PDE10A: variants seen among roughly 807,000 people sequenced by gnomAD.
PDE10A encodes phosphodiesterase 10A, also known as cAMP and cAMP-inhibited cGMP 3',5'-cyclic phosphodiesterase 10A.
PDE10A carries 39 observed loss-of-function variants against 97.7 expected under a neutral mutation model. That is an observed-to-expected ratio of 0.40 (90% confidence interval 0.31 to 0.52). PDE10A has a LOEUF of 0.52. Ranked by LOEUF, PDE10A falls within the 20% of genes least tolerant of loss-of-function variation. The pLI, the probability that PDE10A is intolerant of heterozygous loss-of-function variation, is 0.56. For synonymous variants in PDE10A, 371 were observed against 376.8 expected, an observed-to-expected ratio of 0.98 and a Z score of 0.18; for missense variants, 731 against 1,047.8, an observed-to-expected ratio of 0.70 and a Z score of 4.17.
At chr6:165,691,313 T>C (rs1415601201) in intron 1 of PDE10A, among the ~76,000 whole-genome samples, 1 of 150,020 alleles carries the variant, frequency 6.7e-6, no homozygotes, top group Non-Finnish European at 1.5e-5. Flanking sequence ...CATAAGTTTA[T>C]GATACCATAT....
At chr6:165,860,459 AAAAAC>A (rs1780871464) in intron 1 of PDE10A, among the ~76,000 whole-genome samples, 1 of 152,174 alleles carries the variant, frequency 6.6e-6, no homozygotes, top group African/African-American at 2.4e-5. Context: ...CCTCAAAACA[AAAAAC>A]AAAACAAAAC....
At chr6:165,726,784 G>A (rs1792308258) in intron 1 of PDE10A, among the ~76,000 whole-genome samples, 1 of 151,004 alleles carries the variant, frequency 6.6e-6, no homozygotes, top group Non-Finnish European at 1.5e-5. Context: ...CTCCCTCGCG[G>A]GATCGAACCC....
At chr6:165,590,002 GT>G (rs1208795731) in intron 1 of PDE10A, among the ~76,000 whole-genome samples, 1 of 152,188 alleles carries the variant, frequency 6.6e-6, no homozygotes, top group Non-Finnish European at 1.5e-5. Context: ...TATTATTTCA[GT>G]TTTTATCACA....
intron 1 of PDE10A, among the ~76,000 whole-genome samples, chr6:165,975,403 G>A (rs964490463): frequency 6.6e-5 from 10 of 152,252 alleles, no homozygotes; most frequent in African/African-American, 1.9e-4. Context: ...TCAAGAGTTC[G>A]AGACCAGCCT....
intron 1 of PDE10A, among the ~76,000 whole-genome samples, chr6:165,729,903 A>C (rs1209983890): frequency 3.9e-5 from 6 of 152,210 alleles, no homozygotes; most frequent in Non-Finnish European, 7.3e-5. Context: ...TGATTGAAAA[A>C]TTATCTATGC....
chr6:165,409,046 T>C (rs1787478276), intron 13 of PDE10A, among the ~76,000 whole-genome samples: 1 of 146,806 alleles, frequency 6.8e-6, no homozygotes, highest in Non-Finnish European at 1.5e-5. Context: ...GTGCCTGTAG[T>C]CCCAGCTACT....
intron 16 of PDE10A, among the ~76,000 whole-genome samples, chr6:165,390,389 G>A (rs1416827577): frequency 1.3e-5 from 2 of 152,306 alleles, no homozygotes; most frequent in Middle Eastern, 3.4e-3. Flanking sequence ...GATTTTGAAA[G>A]AGTCAATAGG....
intron 1 of PDE10A, among the ~76,000 whole-genome samples, chr6:165,964,650 A>T (rs1229629666): frequency 6.6e-6 from 1 of 152,234 alleles, no homozygotes; most frequent in Non-Finnish European, 1.5e-5. Flanking sequence ...ATCAGACTTT[A>T]TAAGTCCTGG....
chr6:165,439,044 C>T (rs1348028688), intron 5 of PDE10A, among the ~76,000 whole-genome samples: 2 of 151,244 alleles, frequency 1.3e-5, no homozygotes, highest in East Asian at 1.9e-4. Flanking sequence ...AAATGATTAA[C>T]GTAAATAAGT....
chr6:165,602,327 A>C (rs1786996599), intron 1 of PDE10A, among the ~76,000 whole-genome samples: 1 of 152,130 alleles, frequency 6.6e-6, no homozygotes. Flanking sequence ...GAGCCCTAGG[A>C]GGCAGCTACC....
Position 165,597,126 on chromosome 6 carries a change from T to C in PDE10A, c.866-53558A>G, listed in dbSNP as rs149221529. 4.1e-3 allele frequency among the ~76,000 whole-genome samples: 617 copies of C among 152,240 alleles called. 3 individuals are homozygous for C. The highest frequency in any genetic ancestry group is 0.014 in the African/African-American group (573 of 41,550). On this transcript the variant is annotated intron_variant, in intron 1 of 21. Coordinates refer to ENST00000539869, the MANE Select transcript of PDE10A (RefSeq NM_001385079.1). ...TCCTGATTTATTTCTGTCTTACCCC[T>C]CCTCTCCTTTAATGCAGGTATCCTG...
At chr6:165,408,404 T>C (rs1313324500) in intron 13 of PDE10A, among the ~76,000 whole-genome samples, 2 of 151,978 alleles carry the variant, frequency 1.3e-5, no homozygotes, top group African/African-American at 2.4e-5. Flanking sequence ...GGGAAAAAAA[T>C]GCTCAAAACA....
intron 1 of PDE10A, among the ~76,000 whole-genome samples, chr6:165,686,403 CTTG>C (rs374546858): frequency 5.3e-4 from 80 of 152,308 alleles, no homozygotes; most frequent in African/African-American, 1.9e-3. Context: ...CTTTGCAGCG[CTTG>C]TTGTTGTTGG....
intron 1 of PDE10A, among the ~76,000 whole-genome samples, chr6:165,873,344 G>A (rs1199338987): frequency 2.0e-5 from 3 of 152,142 alleles, no homozygotes; most frequent in African/African-American, 2.4e-5. Context: ...ACAAAACCCC[G>A]ACAGCAATGC....
intron 1 of PDE10A, among the ~76,000 whole-genome samples, chr6:165,757,315 AT>A (rs1583044626): frequency 6.6e-6 from 1 of 151,172 alleles, no homozygotes; most frequent in Non-Finnish European, 1.5e-5. Flanking sequence ...ACGAGCTGCA[AT>A]TTTTTTTCAT....
chr6:165,336,099 T>A (rs1781627382), intron 21 of PDE10A, 24 bp downstream of exon 21: 1 of 1,533,992 alleles, frequency 6.5e-7, no homozygotes, highest in Admixed American at 1.7e-5. Context: ...ACAATATTTT[T>A]ACGGCTTGAA....
At chr6:165,449,023 A>C (rs1562477839) in intron 4 of PDE10A, 46 bp from the exon 5 acceptor site, 4 of 1,415,058 alleles carry the variant, frequency 2.8e-6, no homozygotes, top group Non-Finnish European at 2.0e-6. Context: ...CAGTGGGAGA[A>C]TCTAACATGT....
chr6:165,518,581 A>T lies in PDE10A; in HGVS notation c.994+24859T>A, dbSNP rs115467099. Among the ~76,000 whole-genome samples the T allele has an allele frequency of 7.1e-3, 1,074 of 152,306 alleles. 14 individuals carry two copies. Among genetic ancestry groups the T allele is most frequent in the African/African-American group, 0.024 (1,000 of 41,578 alleles). On this transcript the variant is annotated intron_variant, in intron 2 of 21. Transcript: ENST00000539869. ...CGCCCTCACTTTACTTAATAATGAC[A>T]GTAACGCACAACAGTAGTGATGCTG...
chr6:165,402,274 A>G (rs899497062), intron 13 of PDE10A, among the ~76,000 whole-genome samples: 2 of 152,070 alleles, frequency 1.3e-5, no homozygotes, highest in Admixed American at 1.3e-4. Flanking sequence ...AATTTAAATT[A>G]AAATTTTTAG....
Sources: gnomAD v4.1 joint callset for allele counts (sites outside exome capture counted in the v4.1 genomes callset) on GRCh38, gnomAD v4.1.1 for gene constraint, MANE v1.5 for transcripts, NCBI Gene and HGNC (gene_info 2026-07-23, HGNC 2026-07-21) for gene names.